The following GNG7 variants were observed in gnomAD, a reference collection of about 807,000 sequenced individuals.
The protein encoded by GNG7 is guanine nucleotide-binding protein G(I)/G(S)/G(O) subunit gamma-7.
Under a neutral mutation model 4.0 loss-of-function variants are expected in GNG7, and 1 was observed. The observed-to-expected ratio is 0.25, with a 90% confidence interval of 0.09 to 1.18. The LOEUF is 1.18. GNG7 is among the 50% of genes most tolerant of loss of function. The pLI is 0.50. For synonymous variants in GNG7, 34 were observed against 36.9 expected (o/e 0.92, Z 0.29); for missense variants, 86 against 91.9 (o/e 0.94, Z 0.26).
chr19:2,633,137 G>A lies in GNG7; in HGVS notation c.-78+13087C>T, dbSNP rs188922431. Among the ~76,000 whole-genome samples the A allele has an allele frequency of 2.7e-3, 416 of 152,336 alleles. No individual in the cohort carries two copies. The highest frequency in any genetic ancestry group is 5.1e-3 in the Non-Finnish European group (346 of 68,034). ...TAGCCTGGCAGGGGCCCTGCAGGTGGGTGCTGGTTCACTAAAACGATGAAG... is the reference window on the plus strand; with the variant it reads ...TAGCCTGGCAGGGGCCCTGCAGGTGAGTGCTGGTTCACTAAAACGATGAAG... On this transcript the variant is annotated intron_variant, in intron 2 of 4. Transcript: ENST00000382159. The surrounding 1 kb of genome is among the most constrained non-coding windows in gnomAD (Gnocchi z 5.9).
chr19:2,626,534 T>C lies in GNG7; in HGVS notation c.-78+19690A>G, dbSNP rs1367687971. Among the ~76,000 whole-genome samples the C allele has an allele frequency of 1.3e-5, 2 of 152,000 alleles. 1 individual carries two copies. ...TCCTGGAACCATCTCTGCACCTGTA[T>C]CCCCCACCCCACCTGTCACCTTCAG... is the stretch of plus-strand genomic sequence containing the variant. On this transcript the variant is annotated intron_variant, in intron 2 of 4. Transcript: ENST00000382159. This position sits in a 1 kb window ranked among gnomAD's most constrained non-coding sequence, Gnocchi z 5.0.
intron 2 of GNG7, among the ~76,000 whole-genome samples, chr19:2,599,938 A>G (rs1981149660): frequency 6.9e-6 from 1 of 145,920 alleles, no homozygotes; most frequent in South Asian, 2.1e-4. Context: ...CTCCATCTCA[A>G]AAAAAAAAAA....
At chr19:2,587,241 T>C (rs1980702905) in intron 2 of GNG7, among the ~76,000 whole-genome samples, 1 of 152,056 alleles carries the variant, frequency 6.6e-6, no homozygotes, top group African/African-American at 2.4e-5. Flanking sequence ...CCTGAGCATC[T>C]GGCTCTAGGG....
chr19:2,657,362 ATATATATATATATATATATAT>A lies in GNG7; in HGVS notation c.-134-11103_-134-11083del, dbSNP rs373153828. On this transcript the variant is annotated intron_variant, in intron 1 of 4. Transcript: ENST00000382159. Reference sequence around the variant, plus strand: ...TAAAAAAAAAAAAAAAAAAAAAAAAATATATATATATATATATATATATATATATATATATATACACATAAT... The same window carrying A: ...TAAAAAAAAAAAAAAAAAAAAAAAAAATATATATATATATATACACATAAT... Among the ~76,000 whole-genome samples the A allele has an allele frequency of 9.6e-3, 103 of 10,766 alleles. 12 individuals carry two copies. The highest frequency in any genetic ancestry group is 0.17 in the Middle Eastern group (2 of 12). The allele number at this position is 10,766 out of a possible 152,430, so 7.1% of individuals were successfully genotyped here. A position where few individuals can be genotyped will look rare whatever the true frequency, so the allele number is the denominator to read the frequency against.
chr19:2,630,378 A>C (rs1218964467), intron 2 of GNG7, among the ~76,000 whole-genome samples: 1 of 152,164 alleles, frequency 6.6e-6, no homozygotes, highest in Non-Finnish European at 1.5e-5. Flanking sequence ...AGGGATTTTG[A>C]AGAGGTAAAT....
intron 2 of GNG7, among the ~76,000 whole-genome samples, chr19:2,570,972 A>ATTT (rs537285701): frequency 0.058 from 8,548 of 146,388 alleles, 314 homozygotes; most frequent in East Asian, 0.16. Context: ...TAATGTTTGT[A>ATTT]TTTTTTTTTT....
In GNG7 at chr19:2,540,055, T is replaced by C. The variant is rs1260727170; in HGVS notation, c.-38+15094A>G. On this transcript the variant is annotated intron_variant, in intron 3 of 4. Transcript: ENST00000382159. Reference sequence around the variant, plus strand: ...GGCTCTCCCTCCCTCCCTCCCTCCCTTCCTTCCCTCCTCCCTCCCTCTCTC... The same window carrying C: ...GGCTCTCCCTCCCTCCCTCCCTCCCCTCCTTCCCTCCTCCCTCCCTCTCTC... Among the ~76,000 whole-genome samples the C allele has an allele frequency of 1.5e-3, 143 of 93,300 alleles. 1 individual carries two copies. Among genetic ancestry groups the C allele is most frequent in the African/African-American group, 5.7e-3 (134 of 23,478 alleles). 61.2% of individuals were successfully genotyped at this position (93,300 alleles called of 152,430 possible).
chr19:2,519,552 A>G (rs1351113801), intron 4 of GNG7, among the ~76,000 whole-genome samples: 2 of 151,124 alleles, frequency 1.3e-5, no homozygotes, highest in African/African-American at 2.4e-5. Context: ...CGGCCTCCCA[A>G]TGTGCTGGGA....
chr19:2,572,797 A>G (rs1448737589), intron 2 of GNG7, among the ~76,000 whole-genome samples: 1 of 149,642 alleles, frequency 6.7e-6, no homozygotes, highest in South Asian at 2.1e-4. Context: ...GGGTCTCACT[A>G]TATTGCCCAG....
rs564281094 is a variant in GNG7 at position 2,591,139 on chromosome 19, C to T, written c.-77-35951G>A. Among the ~76,000 whole-genome samples, 133 of 152,334 alleles carry T rather than the reference C, an allele frequency of 8.7e-4. 1 individual carries two copies. Among genetic ancestry groups the T allele is most frequent in the African/African-American group, 3.2e-3 (131 of 41,574 alleles). ...TGCTCTCAGTAACCTAGCAACTCAG[C>T]ACCTCACAGAGAACAAGAAGAACCT... On this transcript the variant is annotated intron_variant, in intron 2 of 4. Transcript: ENST00000382159.
In GNG7 at chr19:2,513,839, C is replaced by T. The variant is rs1192835258; in HGVS notation, c.*1183G>A. On this transcript the variant is annotated 3_prime_UTR_variant, in exon 5 of 5. Coordinates refer to ENST00000382159, the MANE Select transcript of GNG7 (RefSeq NM_052847.3). ...TTTGAAAAACGTCTATGGTGGATGC[C>T]AGAGGGTAGGACAACCTGGAAGAGC... 6.6e-6 allele frequency: 1 copy of T among 152,344 alleles called. No homozygotes were observed. The highest frequency in any genetic ancestry group is 6.5e-5 in the Admixed American group (1 of 15,274). The allele number at this position is 152,344 out of a possible 1,614,324, so 9.4% of individuals were successfully genotyped here. A position where few individuals can be genotyped will look rare whatever the true frequency, so the allele number is the denominator to read the frequency against.
At chr19:2,696,154 CAA>C (rs1194718785) in intron 1 of GNG7, among the ~76,000 whole-genome samples, 1 of 119,612 alleles carries the variant, frequency 8.4e-6, no homozygotes, top group Admixed American at 9.7e-5. Flanking sequence ...AAGACTCCGT[CAA>C]AAAAAAAGAA....
intron 2 of GNG7, among the ~76,000 whole-genome samples, chr19:2,559,933 A>T (rs1979689439): frequency 6.6e-6 from 1 of 152,072 alleles, no homozygotes; most frequent in Admixed American, 6.6e-5. Context: ...CCTGAGGGAC[A>T]CGAGAAGGGG....
intron 1 of GNG7, among the ~76,000 whole-genome samples, chr19:2,678,288 G>A (rs1017466615): frequency 6.6e-6 from 1 of 152,216 alleles, no homozygotes; most frequent in Non-Finnish European, 1.5e-5. Context: ...AGATATACAA[G>A]AAGTGAAAGG....
At chr19:2,548,142 G>A (rs1050990608) in intron 3 of GNG7, among the ~76,000 whole-genome samples, 1 of 151,968 alleles carries the variant, frequency 6.6e-6, no homozygotes, top group Non-Finnish European at 1.5e-5. Flanking sequence ...TGAGGGCTAG[G>A]GATCATTACG....
At chr19:2,688,602 C>T (rs1913058376) in intron 1 of GNG7, among the ~76,000 whole-genome samples, 2 of 152,136 alleles carry the variant, frequency 1.3e-5, no homozygotes, top group Admixed American at 1.3e-4. Context: ...CCCCTAAGAC[C>T]GTCCAGGTCA....
intron 1 of GNG7, among the ~76,000 whole-genome samples, chr19:2,655,727 T>C (rs1270468261): frequency 1.3e-5 from 2 of 150,320 alleles, no homozygotes; most frequent in South Asian, 2.1e-4. Context: ...TAGTCCCAGC[T>C]ACTCGGGAGC....
chr19:2,540,681 T>G (rs1203139465), intron 3 of GNG7, among the ~76,000 whole-genome samples: 1 of 152,136 alleles, frequency 6.6e-6, no homozygotes, highest in Non-Finnish European at 1.5e-5. Context: ...CTGGCCTGTC[T>G]CTGCCGAGCA....
intron 3 of GNG7, among the ~76,000 whole-genome samples, chr19:2,542,181 C>T (rs1435164854): frequency 1.5e-5 from 2 of 130,084 alleles, no homozygotes; most frequent in Admixed American, 1.9e-4. Flanking sequence ...ATGGCGTGAT[C>T]TCGGCTCACC....
Sources: gnomAD v4.1 joint callset for allele counts (sites outside exome capture counted in the v4.1 genomes callset) on GRCh38, gnomAD v4.1.1 for gene constraint, Gnocchi (gnomAD v3.1) non-coding constraint, MANE v1.5 for transcripts, NCBI Gene and HGNC (gene_info 2026-07-23, HGNC 2026-07-21) for gene names.